CDKAL1: variants seen among roughly 807,000 people sequenced by gnomAD.
CDKAL1 encodes the protein threonylcarbamoyladenosine tRNA methylthiotransferase.
CDKAL1 carries 32 observed loss-of-function variants against 68.2 expected under a neutral mutation model. The observed-to-expected ratio is 0.47, with a 90% CI of 0.35 to 0.63. CDKAL1 has a LOEUF of 0.63. Among genes scored for constraint, CDKAL1 ranks in the 30% least tolerant of loss-of-function variants. CDKAL1 has a pLI of 0.00. For missense variants in CDKAL1, 606 were observed against 696.7 expected, an observed-to-expected ratio of 0.87 and a Z score of 1.47; for synonymous variants, 234 against 244.3, an observed-to-expected ratio of 0.96 and a Z score of 0.39.
intron 9 of CDKAL1, among the ~76,000 whole-genome samples, chr6:20,870,841 A>G (rs569762833): frequency 6.6e-6 from 1 of 152,336 alleles, no homozygotes; most frequent in East Asian, 1.9e-4. Context: ...AATCATCATA[A>G]TGATTGAGCA....
chr6:20,711,840 A>G (rs1009562982), intron 5 of CDKAL1, among the ~76,000 whole-genome samples: 1 of 152,256 alleles, frequency 6.6e-6, no homozygotes, highest in Non-Finnish European at 1.5e-5. Context: ...GACAGCCAGT[A>G]AAGAGAGGAA....
Position 20,742,928 on chromosome 6 carries a change from A to G in CDKAL1, c.468+3313A>G, listed in dbSNP as rs899222780. ...TATGTCCACATAACTAAAAATTTTG[A>G]AAACAAATTACAAATTAGGAAACAA... is the stretch of plus-strand genomic sequence containing the variant. On this transcript the variant is annotated intron_variant, in intron 6 of 15. Coordinates refer to ENST00000274695, the MANE Select transcript of CDKAL1 (RefSeq NM_017774.3). Among the ~76,000 whole-genome samples, 6 of 152,096 alleles carry G rather than the reference A, an allele frequency of 3.9e-5. No individual in the cohort carries two copies. The East Asian group carries it at 1.2e-3, about 29-fold the overall frequency.
intron 13 of CDKAL1, among the ~76,000 whole-genome samples, chr6:21,171,297 C>T (rs2151075288): frequency 6.6e-6 from 1 of 152,312 alleles, no homozygotes; most frequent in East Asian, 1.9e-4. Context: ...ACTGCAACCT[C>T]TGCCTCCCAG....
chr6:21,188,371 G>A (rs923129196), intron 13 of CDKAL1, among the ~76,000 whole-genome samples: 1 of 151,982 alleles, frequency 6.6e-6, no homozygotes, highest in Non-Finnish European at 1.5e-5. Flanking sequence ...AAATAAAATT[G>A]TATCTATTTA....
intron 10 of CDKAL1, among the ~76,000 whole-genome samples, chr6:20,978,357 A>G (rs541234016): frequency 1.3e-5 from 2 of 152,212 alleles, no homozygotes; most frequent in East Asian, 3.8e-4. Flanking sequence ...AAAAAGGGCA[A>G]TCAGCTGTTT....
intron 5 of CDKAL1, among the ~76,000 whole-genome samples, chr6:20,735,226 T>A (rs1773135561): frequency 6.6e-6 from 1 of 152,176 alleles, no homozygotes; most frequent in Non-Finnish European, 1.5e-5. Flanking sequence ...TGGGTACATG[T>A]GCAGATTTGT....
chr6:20,697,918 A>G (rs1345564842), intron 5 of CDKAL1, among the ~76,000 whole-genome samples: 1 of 152,226 alleles, frequency 6.6e-6, no homozygotes, highest in Non-Finnish European at 1.5e-5. Context: ...GATTGCCCCT[A>G]GATCTGAAGT....
In CDKAL1 at chr6:20,585,226, T is replaced by G. The variant is rs530495813; in HGVS notation, c.286+36521T>G. On this transcript the variant is annotated intron_variant, in intron 4 of 15. Coordinates refer to ENST00000274695, the MANE Select transcript of CDKAL1 (RefSeq NM_017774.3). ...CGCCCACCACCATGCTAATTTTTTTTTATTTTTAGTAGAGATGGGGTTTCA... is the reference window on the plus strand; with the variant it reads ...CGCCCACCACCATGCTAATTTTTTTGTATTTTTAGTAGAGATGGGGTTTCA... Among the ~76,000 whole-genome samples, 578 of 152,078 alleles carry G rather than the reference T, an allele frequency of 3.8e-3. 9 individuals are homozygous for G. The Middle Eastern group carries it at 0.045, about 12-fold the overall frequency.
At chr6:20,638,844 T>C (rs553982496) in intron 4 of CDKAL1, among the ~76,000 whole-genome samples, 40 of 152,128 alleles carry the variant, frequency 2.6e-4, no homozygotes, top group Admixed American at 5.9e-4. Context: ...ATGTTGGTCA[T>C]GATGGTCTCG....
At chr6:20,594,042 T>C (rs965327060) in intron 4 of CDKAL1, among the ~76,000 whole-genome samples, 18 of 152,158 alleles carry the variant, frequency 1.2e-4, no homozygotes, top group Non-Finnish European at 1.5e-4. Context: ...TCTGAGAGAC[T>C]GTTTGTTATG....
chr6:21,058,194 T>A (rs115528630), intron 11 of CDKAL1, among the ~76,000 whole-genome samples: 1 of 152,234 alleles, frequency 6.6e-6, no homozygotes, highest in Non-Finnish European at 1.5e-5. Context: ...ATCTGAGTAC[T>A]CCCCTATTGG....
chr6:20,978,760 AATC>A (rs1464380659), intron 10 of CDKAL1, among the ~76,000 whole-genome samples: 1 of 152,204 alleles, frequency 6.6e-6, no homozygotes, highest in Non-Finnish European at 1.5e-5. Context: ...AAATGAAATT[AATC>A]ATCATCCTGT....
intron 4 of CDKAL1, among the ~76,000 whole-genome samples, chr6:20,574,578 G>A (rs1764838495): frequency 6.6e-6 from 1 of 152,120 alleles, no homozygotes; most frequent in African/African-American, 2.4e-5. Context: ...CCATGTTTTT[G>A]CTATGGTCTG....
intron 7 of CDKAL1, among the ~76,000 whole-genome samples, chr6:20,763,098 C>T (rs556890503): frequency 7.2e-5 from 11 of 152,304 alleles, no homozygotes; most frequent in African/African-American, 2.6e-4. Flanking sequence ...TCCTTGGAGG[C>T]TGACCTGTAT....
At chr6:20,739,215 C>T (rs62399284) in intron 5 of CDKAL1, among the ~76,000 whole-genome samples, 9,040 of 152,096 alleles carry the variant, frequency 0.059, 322 homozygotes, top group African/African-American at 0.1. Context: ...CTGGAAAATG[C>T]AGTTTTCAAG....
intron 12 of CDKAL1, among the ~76,000 whole-genome samples, chr6:21,096,689 CA>C (rs1773334257): frequency 6.6e-6 from 1 of 151,918 alleles, no homozygotes; most frequent in South Asian, 2.1e-4. Context: ...TATTATTAAG[CA>C]AATGGTAAAA....
In CDKAL1 at chr6:20,586,785, CAT is replaced by C. The variant is rs147299789; in HGVS notation, c.286+38081_286+38082del. On this transcript the variant is annotated intron_variant, in intron 4 of 15. Coordinates refer to ENST00000274695, the MANE Select transcript of CDKAL1 (RefSeq NM_017774.3). ...TAATTGATTTAAATGTAAATATCCACATGAGTGGAAGCCAAGATTTATATCAT... is the reference window on the plus strand; with the variant it reads ...TAATTGATTTAAATGTAAATATCCACGAGTGGAAGCCAAGATTTATATCAT... 4.0e-3 allele frequency among the ~76,000 whole-genome samples: 611 copies of C among 152,286 alleles called. 5 individuals carry two copies. The highest frequency in any genetic ancestry group is 0.013 in the African/African-American group (548 of 41,552).
At chr6:21,087,529 A>G (rs1772759478) in intron 12 of CDKAL1, among the ~76,000 whole-genome samples, 1 of 152,118 alleles carries the variant, frequency 6.6e-6, no homozygotes, top group African/African-American at 2.4e-5. Flanking sequence ...AGTGGGGTGT[A>G]CAAGCTAGGA....
intron 13 of CDKAL1, among the ~76,000 whole-genome samples, chr6:21,114,091 A>G (rs976438599): frequency 2.0e-5 from 3 of 151,966 alleles, no homozygotes; most frequent in African/African-American, 7.2e-5. Context: ...TACTAAAAAC[A>G]GAAAAAATTA....
Sources: allele counts gnomAD v4.1 joint callset (sites outside exome capture counted in the v4.1 genomes callset), GRCh38; gene constraint gnomAD v4.1.1; transcripts MANE v1.5; gene names NCBI Gene and HGNC (gene_info 2026-07-23, HGNC 2026-07-21).